Variants in SIDT2 observed in about 807,000 individuals in gnomAD.
SIDT2 encodes the protein SID1 transmembrane family, member 2.
SIDT2 carries 68 observed loss-of-function variants against 114.4 expected under a neutral mutation model. The ratio of observed to expected loss-of-function variants is 0.59; its 90% confidence interval spans 0.49 to 0.73. The LOEUF (loss-of-function observed/expected upper bound fraction) is 0.73, where lower values mean the gene tolerates loss of function less well. Among genes scored for constraint, SIDT2 ranks in the 30% least tolerant of loss-of-function variants. SIDT2 has a pLI of 0.00. For missense variants in SIDT2, 918 were observed against 1,097.1 expected (o/e 0.84, Z 2.31); for synonymous variants, 470 against 438.4 (o/e 1.07, Z -0.90).
intron 15 of SIDT2, chr11:117,189,608 C>G: frequency 1.6e-6 from 1 of 620,592 alleles, no homozygotes; most frequent in Non-Finnish European, 2.8e-6. Context: ...GGGAGCAGCC[C>G]GCACTAAAGA....
At position 117,182,704 on chromosome 11, in the gene SIDT2, C is replaced by T. The variant is rs1340001823; in HGVS notation, c.619-19C>T. ...GCAGGCCAGGTTCCCATCCATCTGC[C>T]TCTCCCGCCCCTCTGCAGTGTCCTG... On this transcript the variant is annotated intron_variant, in intron 5 of 25. Transcript: ENST00000324225. The T allele has an allele frequency of 2.5e-6, 4 of 1,613,926 alleles. No individual in the cohort carries two copies. The highest frequency in any genetic ancestry group is 2.5e-6 in the Non-Finnish European group (3 of 1,179,882).
rs199972140 is a variant in SIDT2, at chr11:117,181,977, C to T, written c.470+6C>T. ...ATGGACGATTTTGTGCTCAGGTCTG[C>T]AGGGTAGAGTGAGGGGACCACGGGG... On this transcript the variant is annotated splice_donor_region_variant and intron_variant, in intron 3 of 25. Transcript: ENST00000324225. The T allele has an allele frequency of 7.4e-6, 12 of 1,614,098 alleles. No individual in the cohort carries two copies. In the Admixed American group the frequency reaches 2.0e-4, roughly 27 times the overall value.
intron 12 of SIDT2, chr11:117,187,990 T>A (rs1292828498): frequency 1.6e-6 from 1 of 625,260 alleles, no homozygotes; most frequent in Admixed American, 2.1e-5. Context: ...GTTTTGCCAA[T>A]CAGTGCCTGC....
chr11:117,186,266 G>A (rs543111609), intron 9 of SIDT2, 43 bp downstream of exon 9: 39 of 1,578,460 alleles, frequency 2.5e-5, no homozygotes, highest in Middle Eastern at 1.7e-4. Flanking sequence ...GGGTGGTTTG[G>A]GCAGGTGTGT....
At chr11:117,184,184 G>A (rs1252311017) in intron 8 of SIDT2, 45 bp downstream of exon 8, 1 of 1,583,322 alleles carries the variant, frequency 6.3e-7, no homozygotes, top group African/African-American at 1.3e-5. Context: ...AGCCTCTCTG[G>A]CTCCTGCTTT....
At position 117,181,916 on chromosome 11, in the gene SIDT2, C is replaced by T; in HGVS notation, c.415C>T (p.Pro139Ser). The change falls in exon 3 of 26, where the codon CCA becomes TCA. Residue 139 changes from proline to serine, a missense_variant. This residue lies in a region of SIDT2 where 553 missense variants were observed against 600.1 expected (regional missense o/e 0.92). Coordinates refer to ENST00000324225, the MANE Select transcript of SIDT2 (RefSeq NM_001040455.2). Reference sequence around the variant, plus strand: ...CTACGTGGATGTGTCCACCCTGTCACCAGTCAACACCACATACCAGCTCCG... The same window carrying T: ...CTACGTGGATGTGTCCACCCTGTCATCAGTCAACACCACATACCAGCTCCG... Reference protein sequence around the residue: ...FFYVDVSTLSPVNTTYQLRVS... With the variant: ...FFYVDVSTLSSVNTTYQLRVS... 6.2e-7 allele frequency: 1 copy of T among 1,614,166 alleles called. No individual in the cohort carries two copies. The highest frequency in any genetic ancestry group is 8.5e-7 in the Non-Finnish European group (1 of 1,180,038).
At chr11:117,181,107 G>C (rs1419474455) in intron 1 of SIDT2, among the ~76,000 whole-genome samples, 2 of 152,144 alleles carry the variant, frequency 1.3e-5, no homozygotes, top group African/African-American at 4.8e-5. Flanking sequence ...TGTGCACATG[G>C]ATAGGAATGG....
rs562497624 is a variant in SIDT2, at chr11:117,196,406, C to G, written c.*340C>G. ...AGGAAGGATGGAAGGGACACCCTCC[C>G]CATTTCATGCCTTGCATTTTGCCCG... On this transcript the variant is annotated 3_prime_UTR_variant, in exon 26 of 26. Transcript: ENST00000324225. This position sits in a 1 kb window ranked among gnomAD's most constrained non-coding sequence, Gnocchi z 4.9. 1.7e-4 allele frequency: 56 copies of G among 330,584 alleles called. No individual in the cohort carries two copies. In the East Asian group the frequency reaches 3.4e-3, roughly 20 times the overall value. 20.5% of individuals were successfully genotyped at this position (330,584 alleles called of 1,614,324 possible).
At position 117,181,363 on chromosome 11, in the gene SIDT2, C is replaced by T. The variant is rs529951238; in HGVS notation, c.184-53C>T. 259 of 1,608,654 alleles carry T rather than the reference C, an allele frequency of 1.6e-4. 1 individual carries two copies. Among genetic ancestry groups the T allele is most frequent in the Non-Finnish European group, 2.2e-4 (254 of 1,178,372 alleles). On this transcript the variant is annotated intron_variant, in intron 1 of 25. Transcript: ENST00000324225. ...AGGGCAGGGCTCATAGTCTCTGGAG[C>T]CACGTGTCCCTGGTGGCAGAGGCTT... is the stretch of plus-strand genomic sequence containing the variant.
rs1334627494 is a variant in SIDT2, at chr11:117,192,057, G to A, written c.1872+43G>A. ...TCTGCTCAGCCTGTATGATAGGAAA[G>A]GTGCACGTGCGTTCAGACACGTAGT... On this transcript the variant is annotated intron_variant, in intron 19 of 25. Transcript: ENST00000324225. This position sits in a 1 kb window ranked among gnomAD's most constrained non-coding sequence, Gnocchi z 5.9. 1 of 1,611,286 alleles carries A rather than the reference G, an allele frequency of 6.2e-7. No individual in the cohort carries two copies. Among genetic ancestry groups the A allele is most frequent in the South Asian group, 1.1e-5 (1 of 90,974 alleles).
At position 117,189,333 on chromosome 11, in the gene SIDT2, A is replaced by G. The variant is rs2030617723; in HGVS notation, c.1353-2A>G. ...CCTCACTGCCGCCCTCCTGCTCCGC[A>G]GGAACATTGCCACCATTGCTGTCTT... is the stretch of plus-strand genomic sequence containing the variant. On this transcript the variant is annotated splice_acceptor_variant, in intron 14 of 25. Transcript: ENST00000324225. LOFTEE classifies it high-confidence loss of function. 6.2e-7 allele frequency: 1 copy of G among 1,614,188 alleles called. No individual in the cohort carries two copies. The highest frequency in any genetic ancestry group is 1.1e-5 in the South Asian group (1 of 91,086).
Position 117,179,419 on chromosome 11 carries a change from C to T in SIDT2, c.156C>T (p.Thr52=). 1.2e-6 allele frequency: 2 copies of T among 1,614,024 alleles called. No homozygotes were observed. Among genetic ancestry groups the T allele is most frequent in the Non-Finnish European group, 1.7e-6 (2 of 1,180,000 alleles). Residue 52 remains threonine (T), a synonymous_variant, in exon 1 of 26, where the codon ACC becomes ACT. Transcript: ENST00000324225. ...ACAGCGAGCTGGTCAACATCTACAC[C>T]TTCAACCATACTGTGACCCGCAACA... ...EVNSELVNIY[T]FNHTVTRNRT... is the part of the protein sequence containing the mutation.
Position 117,179,109 on chromosome 11 carries a change from AG to A in SIDT2, c.-151del. 1 of 736,830 alleles carries A rather than the reference AG, an allele frequency of 1.4e-6. No homozygotes were observed. Among genetic ancestry groups the A allele is most frequent in the Non-Finnish European group, 2.2e-6 (1 of 463,636 alleles). 45.6% of individuals were successfully genotyped at this position (736,830 alleles called of 1,614,324 possible). A position where few individuals can be genotyped will look rare whatever the true frequency, so the allele number is the denominator to read the frequency against. The stretch of plus-strand genomic sequence containing the variant: ...TGGGAGCCTCTTCGGGGCTCTTGGG[AG>A]GGGACATTTCCTAATCTCAGGCCGG... On this transcript the variant is annotated 5_prime_UTR_variant, in exon 1 of 26. Coordinates refer to ENST00000324225, the MANE Select transcript of SIDT2 (RefSeq NM_001040455.2).
Position 117,195,862 on chromosome 11 carries a change from G to A in SIDT2, c.2383G>A (p.Asp795Asn), listed in dbSNP as rs770642883. 11 of 1,614,046 alleles carry A rather than the reference G, an allele frequency of 6.8e-6. No individual in the cohort carries two copies. The highest frequency in any genetic ancestry group is 1.1e-5 in the South Asian group (1 of 91,082). Residue 795 changes from aspartate (D) to asparagine (N), a missense_variant, in exon 25 of 26, where the codon GAC (aspartate) becomes AAC (asparagine). Transcript: ENST00000324225. ...RDCILLDFFD[D>N]HDIWHFLSSI... ...CTGCATCCTCCTCGACTTCTTTGACGACCACGACATCTGGCACTTCCTCTC... is the reference window on the plus strand; with the variant it reads ...CTGCATCCTCCTCGACTTCTTTGACAACCACGACATCTGGCACTTCCTCTC...
rs2030664270 is a variant in SIDT2 at position 117,190,594 on chromosome 11, C to G, written c.1618-29C>G. The G allele has an allele frequency of 6.5e-7, 1 of 1,533,274 alleles. No homozygotes were observed. The allele number at this position is 1,533,274 out of a possible 1,614,324, so 95.0% of individuals were successfully genotyped here. On this transcript the variant is annotated intron_variant, in intron 17 of 25. Transcript: ENST00000324225. This position sits in a 1 kb window ranked among gnomAD's most constrained non-coding sequence, Gnocchi z 4.1. The stretch of plus-strand genomic sequence containing the variant: ...CTTCCCTTCCTGCCTCACTTCCTCC[C>G]TCCCTTCCCTTCTCTCTCTCCCCAA...
At chr11:117,189,917 GA>G in intron 15 of SIDT2, 34 bp from the exon 16 acceptor site, 1 of 1,608,450 alleles carries the variant, frequency 6.2e-7, no homozygotes, top group Non-Finnish European at 8.5e-7. Context: ...TGGGCGTGAC[GA>G]CAGACCCACT....
Position 117,196,277 on chromosome 11 carries a change from C to A in SIDT2, c.*211C>A. 1.6e-6 allele frequency: 1 copy of A among 642,742 alleles called. No individual in the cohort carries two copies. The highest frequency in any genetic ancestry group is 2.6e-6 in the Non-Finnish European group (1 of 377,632). The allele number at this position is 642,742 out of a possible 1,614,324, so 39.8% of individuals were successfully genotyped here. ...TGCCCTCTGCCGAGGAGCAGGCCTG[C>A]TCCCCTGGAACCCCCAGATGTTGGC... On this transcript the variant is annotated 3_prime_UTR_variant, in exon 26 of 26. Transcript: ENST00000324225. The surrounding 1 kb of genome is among the most constrained non-coding windows in gnomAD (Gnocchi z 4.9).
At position 117,191,988 on chromosome 11, in the gene SIDT2, G is replaced by T; in HGVS notation, c.1846G>T (p.Val616Phe). The T allele has an allele frequency of 6.2e-7, 1 of 1,614,150 alleles. No homozygotes were observed. Among genetic ancestry groups the T allele is most frequent in the Non-Finnish European group, 8.5e-7 (1 of 1,180,028 alleles). The change falls in exon 19 of 26, where the codon GTC becomes TTC. Residue 616 changes from valine (V) to phenylalanine (F), a missense_variant. Val to Phe is a conservative substitution (Grantham distance 50). Coordinates refer to ENST00000324225, the MANE Select transcript of SIDT2 (RefSeq NM_001040455.2). ...AYSAYACLAI[V>F]IFFSVLGVVF... is the part of the protein sequence containing the mutation. ...CAGTGCCTACGCCTGCCTGGCCATT[G>T]TCATCTTCTTCTCTGTGCTGGGCGT...
rs1428067581 is a variant in SIDT2, at chr11:117,190,708, A to G, written c.1703A>G (p.His568Arg). ...GAGGGGCTGCTCAGTGCTTGCTATC[A>G]TGTGTGCCCCAACTATACCAATTTC... is the stretch of plus-strand genomic sequence containing the variant. ...MMEGLLSACY[H>R]VCPNYTNFQF... Residue 568 changes from histidine (H) to arginine (R), a missense_variant, in exon 18 of 26, where the codon CAT (histidine) becomes CGT (arginine). By Grantham distance (29) the His-to-Arg change is conservative. Transcript: ENST00000324225. The surrounding 1 kb of genome is among the most constrained non-coding windows in gnomAD (Gnocchi z 4.1). 4.3e-6 allele frequency: 7 copies of G among 1,613,764 alleles called. No homozygotes were observed. The highest frequency in any genetic ancestry group is 2.2e-5 in the East Asian group (1 of 44,868).
Sources: gnomAD v4.1 joint callset for allele counts (sites outside exome capture counted in the v4.1 genomes callset) on GRCh38, gnomAD v4.1.1 for gene constraint, gnomAD v4.1.1 regional missense constraint, Gnocchi (gnomAD v3.1) non-coding constraint, MANE v1.5 for transcripts, NCBI Gene and HGNC (gene_info 2026-07-23, HGNC 2026-07-21) for gene names.